GLIS3: variants seen among roughly 807,000 people sequenced by gnomAD.
The protein encoded by GLIS3 is GLIS family zinc finger 3.
A neutral mutation model predicts 78.6 loss-of-function variants in GLIS3; 53 were observed. The observed-to-expected ratio is 0.67, with a 90% CI of 0.54 to 0.85. The LOEUF (loss-of-function observed/expected upper bound fraction) is 0.85, where lower values mean the gene tolerates loss of function less well. Among genes scored for constraint, GLIS3 ranks in the 40% least tolerant of loss-of-function variants. The pLI is 0.00. For missense variants in GLIS3, 1,703 were observed against 1,231.1 expected, an observed-to-expected ratio of 1.38 and a Z score of -5.74; for synonymous variants, 684 against 509.9, an observed-to-expected ratio of 1.34 and a Z score of -4.60.
At chr9:4,234,379 G>A (rs953064936) in intron 2 of GLIS3, among the ~76,000 whole-genome samples, 1 of 152,166 alleles carries the variant, frequency 6.6e-6, no homozygotes. Flanking sequence ...CAATACTGCT[G>A]TGTTTTAAGG....
At chr9:3,928,831 T>C (rs1390618221) in intron 6 of GLIS3, among the ~76,000 whole-genome samples, 2 of 152,212 alleles carry the variant, frequency 1.3e-5, no homozygotes, top group Non-Finnish European at 2.9e-5. Flanking sequence ...CAAATAAAGT[T>C]TGAATCTTTG....
chr9:4,284,458 C>G (rs1033526392), intron 2 of GLIS3, among the ~76,000 whole-genome samples: 2 of 152,156 alleles, frequency 1.3e-5, no homozygotes, highest in African/African-American at 2.4e-5. Context: ...GGGAACTTAA[C>G]TTGCCACATC....
chr9:3,884,178 A>G (rs1024141869), intron 7 of GLIS3, among the ~76,000 whole-genome samples: 1 of 152,160 alleles, frequency 6.6e-6, no homozygotes, highest in Admixed American at 6.5e-5. Context: ...CCATTAATCT[A>G]TATTTCTAAT....
chr9:4,058,563 C>A (rs972491119), intron 4 of GLIS3, among the ~76,000 whole-genome samples: 2 of 152,102 alleles, frequency 1.3e-5, no homozygotes, highest in Non-Finnish European at 2.9e-5. Flanking sequence ...TTAAACCCTG[C>A]CTAATAATTC....
chr9:4,375,196 C>A, the GLIS3 span, among the ~76,000 whole-genome samples: 2 of 152,080 alleles, frequency 1.3e-5, no homozygotes, highest in Non-Finnish European at 2.9e-5. Flanking sequence ...CAGCCTCGTT[C>A]AAAAGAGGTT....
At chr9:4,471,736 A>G in the GLIS3 span, among the ~76,000 whole-genome samples, 1 of 152,254 alleles carries the variant, frequency 6.6e-6, no homozygotes, top group African/African-American at 2.4e-5. Flanking sequence ...CAATGGCAAC[A>G]AAAGCCAAAA....
rs538742639 is a variant in GLIS3, at chr9:4,073,438, G to A, written c.1710+44330C>T. Among the ~76,000 whole-genome samples the A allele has an allele frequency of 5.3e-5, 8 of 152,268 alleles. No homozygotes were observed. In the South Asian group the frequency reaches 1.7e-3, roughly 32 times the overall value. On this transcript the variant is annotated intron_variant, in intron 4 of 10. Transcript: ENST00000381971. ...ACCCAGGTCATTCTAAAGCATTCAT[G>A]GGCTCCCACTTTCTGAAAGTCACTC...
At chr9:4,353,360 G>C (rs921763635), upstream of GLIS3, among the ~76,000 whole-genome samples, 31 of 152,262 alleles carry the variant, frequency 2.0e-4, no homozygotes, top group African/African-American at 7.2e-4. Flanking sequence ...TCGGTCCTCT[G>C]ATTTCAGGCA....
intron 2 of GLIS3, among the ~76,000 whole-genome samples, chr9:4,314,861 G>A (rs1052390900): frequency 7.2e-5 from 11 of 152,208 alleles, no homozygotes; most frequent in Admixed American, 4.6e-4. Flanking sequence ...TTAAGCTCAG[G>A]GCCGGGCACC....
At chr9:4,405,689 T>C in the GLIS3 span, among the ~76,000 whole-genome samples, 11 of 151,810 alleles carry the variant, frequency 7.2e-5, no homozygotes, top group African/African-American at 2.4e-4. Flanking sequence ...TTCTGAAAAA[T>C]AGAGGAGAAA....
chr9:3,883,018 A>T (rs1821837073), intron 7 of GLIS3, among the ~76,000 whole-genome samples: 1 of 152,124 alleles, frequency 6.6e-6, no homozygotes, highest in Non-Finnish European at 1.5e-5. Flanking sequence ...GATGACCAGA[A>T]ATTTGGAGGA....
chr9:4,274,393 T>C (rs1217546307), intron 2 of GLIS3, among the ~76,000 whole-genome samples: 1 of 152,188 alleles, frequency 6.6e-6, no homozygotes, highest in Non-Finnish European at 1.5e-5. Flanking sequence ...GGGTTCCTTC[T>C]GCACAGGGAT....
At chr9:4,325,012 T>C (rs576463783) in intron 2 of GLIS3, among the ~76,000 whole-genome samples, 35 of 152,314 alleles carry the variant, frequency 2.3e-4, no homozygotes, top group Non-Finnish European at 4.4e-4. Flanking sequence ...CCTGGTGCTG[T>C]AGGTACTATT....
chr9:3,828,515 G>C, intron 10 of GLIS3, 107 bp from the exon 11 acceptor site: 2 of 1,437,020 alleles, frequency 1.4e-6, no homozygotes, highest in Non-Finnish European at 1.9e-6. Flanking sequence ...GGGGGCTAAG[G>C]AGGCAACCAT....
At chr9:3,847,224 T>C (rs368316563) in intron 9 of GLIS3, among the ~76,000 whole-genome samples, 2 of 147,540 alleles carry the variant, frequency 1.4e-5, no homozygotes, top group African/African-American at 2.5e-5. Flanking sequence ...TAAAAAAAAA[T>C]AAAATAAAGA....
intron 2 of GLIS3, among the ~76,000 whole-genome samples, chr9:4,133,785 C>G (rs1325771979): frequency 6.7e-6 from 1 of 149,720 alleles, no homozygotes; most frequent in Non-Finnish European, 1.5e-5. Flanking sequence ...TCCTGAGTGC[C>G]CAGAAACAGC....
At chr9:4,025,738 A>G (rs1823282133) in intron 4 of GLIS3, among the ~76,000 whole-genome samples, 2 of 152,288 alleles carry the variant, frequency 1.3e-5, no homozygotes, top group Non-Finnish European at 2.9e-5. Context: ...TCACATAATT[A>G]TTAAAAATTT....
At chr9:4,180,486 TAAATG>T (rs1453514706) in intron 2 of GLIS3, among the ~76,000 whole-genome samples, 1 of 152,180 alleles carries the variant, frequency 6.6e-6, no homozygotes, top group East Asian at 1.9e-4. Flanking sequence ...ATTTTGGGAT[TAAATG>T]AAACACCCTT....
At chr9:4,032,882 C>T (rs1823966393) in intron 4 of GLIS3, among the ~76,000 whole-genome samples, 2 of 151,344 alleles carry the variant, frequency 1.3e-5, no homozygotes, top group Non-Finnish European at 2.9e-5. Context: ...GAGACAGAGT[C>T]TCGCTCTGTC....
Sources: allele counts gnomAD v4.1 joint callset (sites outside exome capture counted in the v4.1 genomes callset), GRCh38; gene constraint gnomAD v4.1.1; transcripts MANE v1.5; gene names NCBI Gene and HGNC (gene_info 2026-07-23, HGNC 2026-07-21).